Variants in CHD6 observed in about 807,000 individuals in gnomAD.
CHD6 encodes chromodomain helicase DNA binding protein 6.
CHD6 carries 50 observed loss-of-function variants against 276.9 expected under a neutral mutation model. The observed-to-expected ratio is 0.18, with a 90% CI of 0.14 to 0.23. The LOEUF (loss-of-function observed/expected upper bound fraction) is 0.23. Ranked by LOEUF, CHD6 falls within the 10% of genes least tolerant of loss-of-function variation. The probability of loss-of-function intolerance (pLI) is 1.00; values close to 1 mark genes in which losing one functional copy is unlikely to be tolerated. For missense variants in CHD6, 2,564 were observed against 3,365.8 expected, an observed-to-expected ratio of 0.76 and a Z score of 5.89; for synonymous variants, 1,173 against 1,229.3, an observed-to-expected ratio of 0.95 and a Z score of 0.96.
At chr20:41,433,386 T>C (rs546109287) in intron 27 of CHD6, among the ~76,000 whole-genome samples, 26 of 151,770 alleles carry the variant, frequency 1.7e-4, no homozygotes, top group Non-Finnish European at 2.5e-4. Flanking sequence ...ACATTACCAA[T>C]AGGGGAAAAA....
chr20:41,582,678 G>A (rs993374956), intron 1 of CHD6, among the ~76,000 whole-genome samples: 1 of 152,156 alleles, frequency 6.6e-6, no homozygotes, highest in Non-Finnish European at 1.5e-5. Context: ...AGATGACCAA[G>A]ATGTTGTAAG....
chr20:41,552,192 C>T (rs922042727), intron 1 of CHD6, among the ~76,000 whole-genome samples: 1 of 152,204 alleles, frequency 6.6e-6, no homozygotes, highest in Non-Finnish European at 1.5e-5. Context: ...ACAAACAATA[C>T]AAGGATTATA....
intron 5 of CHD6, among the ~76,000 whole-genome samples, chr20:41,507,942 CA>C (rs1241356767): frequency 1.3e-5 from 2 of 152,106 alleles, no homozygotes; most frequent in African/African-American, 4.8e-5. Flanking sequence ...ATGGAATATA[CA>C]AAACCAGTAT....
At chr20:41,481,935 A>C (rs1251082583) in intron 16 of CHD6, among the ~76,000 whole-genome samples, 2 of 152,246 alleles carry the variant, frequency 1.3e-5, no homozygotes, top group Non-Finnish European at 2.9e-5. Flanking sequence ...TGCAGAAAAA[A>C]ACAGACTGAG....
At chr20:41,412,064 G>A (rs2046856189) in intron 36 of CHD6, 80 bp downstream of exon 36, 2 of 1,563,354 alleles carry the variant, frequency 1.3e-6, no homozygotes, top group Non-Finnish European at 8.6e-7. Flanking sequence ...TCCCAGCTGG[G>A]GCTTTCTCTC....
chr20:41,460,577 G>C (rs1211592614), intron 17 of CHD6, among the ~76,000 whole-genome samples: 1 of 152,242 alleles, frequency 6.6e-6, no homozygotes, highest in African/African-American at 2.4e-5. Context: ...GCTTCAGAGG[G>C]TGAAAGCACC....
chr20:41,448,628 C>T (rs1371960337), intron 23 of CHD6, among the ~76,000 whole-genome samples: 4 of 152,182 alleles, frequency 2.6e-5, no homozygotes, highest in Admixed American at 2.0e-4. Context: ...AAGCCGTTAT[C>T]GTGCTCTTGG....
At chr20:41,588,410 C>T (rs1201386982) in intron 1 of CHD6, among the ~76,000 whole-genome samples, 1 of 152,140 alleles carries the variant, frequency 6.6e-6, no homozygotes, top group Non-Finnish European at 1.5e-5. Flanking sequence ...TTTTTCTTCT[C>T]ATAGTCATGA....
intron 14 of CHD6, chr20:41,486,098 C>T (rs996519129): frequency 2.0e-5 from 3 of 152,042 alleles, no homozygotes; most frequent in Non-Finnish European, 4.4e-5. Flanking sequence ...ACTTAGAAAT[C>T]GAATCCCCCA....
chr20:41,416,544 C>T (rs2145429373), intron 33 of CHD6, 44 bp downstream of exon 33: 1 of 1,541,358 alleles, frequency 6.5e-7, no homozygotes, highest in Non-Finnish European at 8.9e-7. Context: ...TGGAACACGC[C>T]CACCATTCTT....
At position 41,435,249 on chromosome 20, in the gene CHD6, A is replaced by G. The variant is rs573648535; in HGVS notation, c.4068+2025T>C. 6.6e-5 allele frequency among the ~76,000 whole-genome samples: 10 copies of G among 152,350 alleles called. 1 individual carries two copies. Among genetic ancestry groups the G allele is most frequent in the African/African-American group, 2.4e-4 (10 of 41,590 alleles). ...GAAATTTACAGCACTAAATGCATATATTAGACAAACAGAAAAGTTTCAAAT... is the reference window on the plus strand; with the variant it reads ...GAAATTTACAGCACTAAATGCATATGTTAGACAAACAGAAAAGTTTCAAAT... On this transcript the variant is annotated intron_variant, in intron 27 of 36. Coordinates refer to ENST00000373233, the MANE Select transcript of CHD6 (RefSeq NM_032221.5).
Position 41,416,581 on chromosome 20 carries a change from G to A in CHD6, c.6486+7C>T, listed in dbSNP as rs753851997. 29 of 1,607,748 alleles carry A rather than the reference G, an allele frequency of 1.8e-5. 1 individual carries two copies. The South Asian group carries it at 2.2e-4, about 12-fold the overall frequency. On this transcript the variant is annotated splice_region_variant and intron_variant, in intron 33 of 36. Coordinates refer to ENST00000373233, the MANE Select transcript of CHD6 (RefSeq NM_032221.5). ...GTTTTGTGGTCACTCCATTCTTGCC[G>A]GCTCACCTTGTGGATCTGGGCCGCC... is the stretch of plus-strand genomic sequence containing the variant.
At chr20:41,579,858 A>T (rs542538807) in intron 1 of CHD6, among the ~76,000 whole-genome samples, 3 of 152,342 alleles carry the variant, frequency 2.0e-5, no homozygotes, top group African/African-American at 7.2e-5. Flanking sequence ...AAGCTTTTCC[A>T]ACACTCATAT....
Position 41,471,522 on chromosome 20 carries a change from T to G in CHD6, c.2664+1800A>C, listed in dbSNP as rs139027993. ...TGAACATAGTTTACTTTATGATGTATACCATGAAATATTTTCAGTTTTTTT... is the reference window on the plus strand; with the variant it reads ...TGAACATAGTTTACTTTATGATGTAGACCATGAAATATTTTCAGTTTTTTT... On this transcript the variant is annotated intron_variant, in intron 17 of 36. Transcript: ENST00000373233. 7.1e-3 allele frequency among the ~76,000 whole-genome samples: 1,053 copies of G among 147,622 alleles called. 7 individuals are homozygous for G. The highest frequency in any genetic ancestry group is 9.8e-3 in the Non-Finnish European group (662 of 67,692).
intron 16 of CHD6, among the ~76,000 whole-genome samples, chr20:41,478,018 C>T (rs1469864049): frequency 6.6e-6 from 1 of 152,184 alleles, no homozygotes; most frequent in African/African-American, 2.4e-5. Flanking sequence ...TTTCTCACCC[C>T]TCCCCCACAA....
intron 16 of CHD6, among the ~76,000 whole-genome samples, 185 bp downstream of exon 16, chr20:41,483,124 A>T (rs993166085): frequency 6.6e-6 from 1 of 152,192 alleles, no homozygotes; most frequent in Admixed American, 6.5e-5. Context: ...TACTCTTGAC[A>T]GTTAAACTTG....
At chr20:41,589,692 C>T (rs1047222211) in intron 1 of CHD6, among the ~76,000 whole-genome samples, 2 of 152,176 alleles carry the variant, frequency 1.3e-5, no homozygotes, top group Admixed American at 6.5e-5. Flanking sequence ...AGGAGAACTA[C>T]AAATCACTGC....
At chr20:41,531,070 G>A (rs2044673532) in intron 3 of CHD6, among the ~76,000 whole-genome samples, 1 of 152,178 alleles carries the variant, frequency 6.6e-6, no homozygotes, top group Admixed American at 6.5e-5. Flanking sequence ...TTTGTTAAAT[G>A]CCTCCTTATT....
In CHD6 at chr20:41,421,431, A is replaced by C. The variant is rs374776865; in HGVS notation, c.5204T>G (p.Ile1735Ser). 3.1e-6 allele frequency: 5 copies of C among 1,614,194 alleles called. No individual in the cohort carries two copies. Among genetic ancestry groups the C allele is most frequent in the Non-Finnish European group, 2.5e-6 (3 of 1,180,022 alleles). Reference sequence around the variant, plus strand: ...CCCATCTTTGCTTATTGAGATGGTAATAACATCTTTTCTAGATTCAGTATT... The same window carrying C: ...CCCATCTTTGCTTATTGAGATGGTACTAACATCTTTTCTAGATTCAGTATT... ...STNTESRKDV[I>S]TISISKDGNC... Residue 1735 changes from isoleucine (I) to serine (S), a missense_variant, in exon 31 of 37, where the codon ATT becomes AGT. Transcript: ENST00000373233.
Sources: allele counts gnomAD v4.1 joint callset (sites outside exome capture counted in the v4.1 genomes callset), GRCh38; gene constraint gnomAD v4.1.1; transcripts MANE v1.5; gene names NCBI Gene and HGNC (gene_info 2026-07-23, HGNC 2026-07-21).